The following MALRD1 variants were observed in gnomAD, a reference collection of about 807,000 sequenced individuals.
MALRD1 encodes the protein MAM and LDL-receptor class A domain-containing protein 1.
In MALRD1, 247 loss-of-function variants were observed where a neutral mutation model predicts 242.1. That is an observed-to-expected ratio of 1.02 (90% CI 0.92 to 1.13). MALRD1 has a LOEUF of 1.13. Among genes scored for constraint, MALRD1 ranks in the 50% most tolerant of loss-of-function variants. MALRD1 has a pLI of 0.00. For missense variants in MALRD1, 2,989 were observed against 2,533.1 expected, an observed-to-expected ratio of 1.18 and a Z score of -3.86; for synonymous variants, 995 against 866.6, an observed-to-expected ratio of 1.15 and a Z score of -2.60.
At chr10:19,125,499 T>C (rs1837255188) in intron 7 of MALRD1, among the ~76,000 whole-genome samples, 1 of 151,124 alleles carries the variant, frequency 6.6e-6, no homozygotes, top group Admixed American at 6.6e-5. Context: ...ACATATTAAT[T>C]TGTATTTTCT....
intron 14 of MALRD1, among the ~76,000 whole-genome samples, chr10:19,192,851 A>G (rs981300472): frequency 6.6e-6 from 1 of 152,210 alleles, no homozygotes; most frequent in African/African-American, 2.4e-5. Flanking sequence ...GACTCTAAAG[A>G]TAACATTCCT....
chr10:19,299,085 T>C (rs1841832876), intron 21 of MALRD1, among the ~76,000 whole-genome samples: 1 of 151,760 alleles, frequency 6.6e-6, no homozygotes, highest in Non-Finnish European at 1.5e-5. Flanking sequence ...CAATCCTAGA[T>C]AGAAATAAGG....
chr10:19,638,588 T>C (rs1840251249), intron 36 of MALRD1, among the ~76,000 whole-genome samples: 1 of 152,048 alleles, frequency 6.6e-6, no homozygotes, highest in Non-Finnish European at 1.5e-5. Flanking sequence ...CTAGAAGAAG[T>C]GTTGTTTTTA....
intron 12 of MALRD1, among the ~76,000 whole-genome samples, chr10:19,156,464 T>G (rs1318850252): frequency 7.8e-5 from 2 of 25,718 alleles, no homozygotes; most frequent in East Asian, 4.1e-3. Flanking sequence ...TATAGAGCGT[T>G]TTTTTTTTTT....
At chr10:19,394,804 G>A (rs769204342) in intron 28 of MALRD1, among the ~76,000 whole-genome samples, 8 of 152,192 alleles carry the variant, frequency 5.3e-5, no homozygotes, top group Admixed American at 2.6e-4. Context: ...TTTGGATTGC[G>A]GGGTTAGGGA....
rs1456757761 is a variant in MALRD1, at chr10:19,165,265, A to ATTTTTT, written c.1657-368_1657-367insTTTTTT. Among the ~76,000 whole-genome samples the ATTTTTT allele has an allele frequency of 1.9e-4, 25 of 130,306 alleles. No individual in the cohort carries two copies. In the South Asian group the frequency reaches 5.7e-3, roughly 30 times the overall value. 85.5% of individuals were successfully genotyped at this position (130,306 alleles called of 152,430 possible). On this transcript the variant is annotated intron_variant, in intron 12 of 39. Transcript: ENST00000454679. Reference sequence around the variant, plus strand: ...GGAATATATATATATATATATATATATTTTGTTTTGTTTTGTTTTTGTTTT... The same window carrying ATTTTTT: ...GGAATATATATATATATATATATATATTTTTTTTTTGTTTTGTTTTGTTTTTGTTTT...
chr10:19,305,051 A>G (rs979716489), intron 21 of MALRD1, among the ~76,000 whole-genome samples: 10 of 151,712 alleles, frequency 6.6e-5, no homozygotes, highest in African/African-American at 2.4e-4. Context: ...GAGTTGATTC[A>G]TAGCATTACT....
chr10:19,289,458 C>G (rs956727579), intron 21 of MALRD1, among the ~76,000 whole-genome samples: 2 of 152,252 alleles, frequency 1.3e-5, no homozygotes, highest in South Asian at 4.1e-4. Context: ...TTATAGGCTA[C>G]AGAACACAAA....
chr10:19,522,912 A>G (rs1468461422), intron 31 of MALRD1, among the ~76,000 whole-genome samples: 1 of 152,188 alleles, frequency 6.6e-6, no homozygotes, highest in Non-Finnish European at 1.5e-5. Flanking sequence ...ACATCATTCT[A>G]CATCCAAATG....
At chr10:19,130,062 A>G (rs1217645678) in intron 8 of MALRD1, among the ~76,000 whole-genome samples, 1 of 151,796 alleles carries the variant, frequency 6.6e-6, no homozygotes. Context: ...GGCATTCTGG[A>G]ACTTGTTATG....
At chr10:19,282,978 C>A in intron 20 of MALRD1, 41 bp from the exon 21 acceptor site, 4 of 1,425,124 alleles carry the variant, frequency 2.8e-6, no homozygotes, top group South Asian at 3.1e-5. Flanking sequence ...TAGAAACTGC[C>A]ACTTACTAGC....
At chr10:19,120,445 A>G (rs183386028) in intron 5 of MALRD1, among the ~76,000 whole-genome samples, 1 of 152,326 alleles carries the variant, frequency 6.6e-6, no homozygotes, top group East Asian at 1.9e-4. Flanking sequence ...GAAAAAACAA[A>G]CAAACAAATA....
chr10:19,667,228 G>A (rs1463642502), intron 36 of MALRD1, among the ~76,000 whole-genome samples: 1 of 152,058 alleles, frequency 6.6e-6, no homozygotes, highest in Admixed American at 6.6e-5. Flanking sequence ...AGGCTGAGGC[G>A]AAGGATTGCT....
intron 31 of MALRD1, among the ~76,000 whole-genome samples, chr10:19,522,560 C>T (rs1016925246): frequency 4.6e-5 from 7 of 152,094 alleles, no homozygotes; most frequent in African/African-American, 1.7e-4. Flanking sequence ...GGTAGTACCC[C>T]ATTAGGACAC....
intron 33 of MALRD1, among the ~76,000 whole-genome samples, chr10:19,587,480 A>G (rs765681262): frequency 2.0e-5 from 3 of 152,252 alleles, no homozygotes; most frequent in Non-Finnish European, 4.4e-5. Flanking sequence ...CATATTAATC[A>G]TAAAGGTAAA....
intron 36 of MALRD1, among the ~76,000 whole-genome samples, chr10:19,688,788 G>A (rs1842702906): frequency 6.6e-6 from 1 of 152,194 alleles, no homozygotes; most frequent in African/African-American, 2.4e-5. Flanking sequence ...TAGAAGGGTT[G>A]GAAACTCACC....
intron 28 of MALRD1, among the ~76,000 whole-genome samples, chr10:19,444,144 T>C (rs909235974): frequency 4.6e-5 from 7 of 152,208 alleles, no homozygotes; most frequent in Non-Finnish European, 8.8e-5. Context: ...TGCTTTTTTT[T>C]ATTTTCCATT....
intron 10 of MALRD1, among the ~76,000 whole-genome samples, chr10:19,138,245 A>G (rs193026003): frequency 2.0e-5 from 3 of 152,292 alleles, no homozygotes; most frequent in African/African-American, 4.8e-5. Context: ...AAAACAAACG[A>G]TGTAAGAGCA....
chr10:19,723,145 T>C (rs890796661), intron 38 of MALRD1, among the ~76,000 whole-genome samples: 14 of 152,288 alleles, frequency 9.2e-5, no homozygotes, highest in Middle Eastern at 3.4e-3. Flanking sequence ...TCTGACATCT[T>C]AGAAACAGTG....
Sources: gnomAD v4.1 joint callset for allele counts (sites outside exome capture counted in the v4.1 genomes callset) on GRCh38, gnomAD v4.1.1 for gene constraint, MANE v1.5 for transcripts, NCBI Gene and HGNC (gene_info 2026-07-23, HGNC 2026-07-21) for gene names.